The following VPS45 variants were observed in gnomAD, a reference collection of about 807,000 sequenced individuals.
The protein encoded by VPS45 is vacuolar protein sorting 45 homolog.
In VPS45, 35 loss-of-function variants were observed where a neutral mutation model predicts 75.9. The ratio of observed to expected loss-of-function variants is 0.46; its 90% CI spans 0.35 to 0.61. The LOEUF (loss-of-function observed/expected upper bound fraction) is 0.61. Ranked by LOEUF, VPS45 falls within the 20% of genes least tolerant of loss-of-function variation. The probability of loss-of-function intolerance (pLI) is 0.00; values close to 1 mark genes in which losing one functional copy is unlikely to be tolerated. For synonymous variants in VPS45, 220 were observed against 238.2 expected, an observed-to-expected ratio of 0.92 and a Z score of 0.70; for missense variants, 559 against 685.9, an observed-to-expected ratio of 0.81 and a Z score of 2.07.
rs192149979 is a variant in VPS45, at chr1:150,112,151, C to T, written c.1625+1524C>T. ...TGCCCATTCCACAATTGAAGTATTC[C>T]TTTTTTTCTTAATAATTTTTTTAAT... On this transcript the variant is annotated intron_variant, in intron 14 of 14. Coordinates refer to ENST00000644510, the MANE Select transcript of VPS45 (RefSeq NM_007259.5). Among the ~76,000 whole-genome samples the T allele has an allele frequency of 4.3e-3, 650 of 151,926 alleles. 4 individuals carry two copies. Among genetic ancestry groups the T allele is most frequent in the African/African-American group, 0.015 (613 of 41,502 alleles).
In VPS45 at chr1:150,082,008, C is replaced by T. The variant is rs370189492; in HGVS notation, c.936+11C>T. Reference sequence around the variant, plus strand: ...ATAGCAGACATGAAGGTAAATTGAACATGTACATGAATGACAAACATGTGA... The same window carrying T: ...ATAGCAGACATGAAGGTAAATTGAATATGTACATGAATGACAAACATGTGA... On this transcript the variant is annotated intron_variant, in intron 9 of 14. Coordinates refer to ENST00000644510, the MANE Select transcript of VPS45 (RefSeq NM_007259.5). 163 of 1,531,326 alleles carry T rather than the reference C, an allele frequency of 1.1e-4. No individual in the cohort carries two copies. Among genetic ancestry groups the T allele is most frequent in the Non-Finnish European group, 1.4e-4 (157 of 1,108,236 alleles). 94.9% of individuals were successfully genotyped at this position (1,531,326 alleles called of 1,614,324 possible).
intron 14 of VPS45, among the ~76,000 whole-genome samples, chr1:150,131,988 A>G (rs1476918963): frequency 6.6e-6 from 1 of 152,168 alleles, no homozygotes; most frequent in Non-Finnish European, 1.5e-5. Context: ...ATAAATGAGA[A>G]AGAAATGGAG....
chr1:150,103,695 C>T (rs2101593883), intron 13 of VPS45, among the ~76,000 whole-genome samples: 1 of 152,308 alleles, frequency 6.6e-6, no homozygotes, highest in East Asian at 1.9e-4. Flanking sequence ...CAGTTCTTGC[C>T]TTTCTTTTCC....
chr1:150,119,110 A>G (rs1214151766), intron 14 of VPS45, among the ~76,000 whole-genome samples: 1 of 152,240 alleles, frequency 6.6e-6, no homozygotes, highest in Admixed American at 6.5e-5. Flanking sequence ...TTCAGAGGCC[A>G]GTTATTGTGA....
At position 150,076,910 on chromosome 1, in the gene VPS45, T is replaced by A; in HGVS notation, c.370-6T>A. The A allele has an allele frequency of 6.2e-7, 1 of 1,613,996 alleles. No individual in the cohort carries two copies. ...GGAATGACTATTCTTGGTGCTTTAT[T>A]TGCAGGAATTTTATGGTGATTACAT... On this transcript the variant is annotated splice_region_variant and splice_polypyrimidine_tract_variant and intron_variant, in intron 4 of 14. Coordinates refer to ENST00000644510, the MANE Select transcript of VPS45 (RefSeq NM_007259.5).
At chr1:150,100,648 G>A (rs1215840265) in intron 13 of VPS45, among the ~76,000 whole-genome samples, 1 of 152,116 alleles carries the variant, frequency 6.6e-6, no homozygotes, top group African/African-American at 2.4e-5. Flanking sequence ...TAGACCAATG[G>A]AACAGAATAG....
intron 9 of VPS45, among the ~76,000 whole-genome samples, chr1:150,082,390 C>T (rs1346803234): frequency 2.6e-5 from 4 of 152,146 alleles, no homozygotes; most frequent in African/African-American, 7.2e-5. Flanking sequence ...CCTGTAATCC[C>T]AGCTACTCGG....
At chr1:150,093,930 C>T (rs1248470847) in intron 13 of VPS45, among the ~76,000 whole-genome samples, 2 of 152,254 alleles carry the variant, frequency 1.3e-5, no homozygotes, top group South Asian at 2.1e-4. Context: ...AGGTTCTGTT[C>T]GATGGCATCT....
At chr1:150,074,762 C>A (rs1553797696) in intron 3 of VPS45, among the ~76,000 whole-genome samples, 1 of 152,076 alleles carries the variant, frequency 6.6e-6, no homozygotes, top group African/African-American at 2.4e-5. Context: ...AATTATTGAG[C>A]CTCACCCAAT....
intron 6 of VPS45, chr1:150,077,449 T>G: frequency 4.1e-6 from 3 of 740,322 alleles, no homozygotes; most frequent in Admixed American, 3.1e-5. Flanking sequence ...CTATTTAACT[T>G]TTTTTGGTCC....
At chr1:150,134,232 G>C (rs1553813059) in intron 14 of VPS45, among the ~76,000 whole-genome samples, 1 of 152,000 alleles carries the variant, frequency 6.6e-6, no homozygotes, top group Non-Finnish European at 1.5e-5. Flanking sequence ...TTTTTAAAAG[G>C]GTTCTATAGC....
chr1:150,110,346 G>T, intron 13 of VPS45, 150 bp from the exon 14 acceptor site: 1 of 725,320 alleles, frequency 1.4e-6, no homozygotes, highest in Non-Finnish European at 2.1e-6. Flanking sequence ...TCAGATAATT[G>T]AAACTTTTTT....
In VPS45 at chr1:150,124,552, C is replaced by T. The variant is rs374089452; in HGVS notation, c.1625+13925C>T. On this transcript the variant is annotated intron_variant, in intron 14 of 14. Transcript: ENST00000644510. ...AATATGTTGGCTTTTTTTCTTTTTT[C>T]TTTTTTTTTTTTTGAGACAGAGTCT... Among the ~76,000 whole-genome samples, 8 of 140,220 alleles carry T rather than the reference C, an allele frequency of 5.7e-5. 3 individuals are homozygous for T. Among genetic ancestry groups the T allele is most frequent in the Non-Finnish European group, 1.2e-4 (8 of 65,558 alleles). The allele number at this position is 140,220 out of a possible 152,430, so 92.0% of individuals were successfully genotyped here. A position where few individuals can be genotyped will look rare whatever the true frequency, so the allele number is the denominator to read the frequency against.
chr1:150,070,506 C>T (rs1654994110), intron 2 of VPS45, among the ~76,000 whole-genome samples: 1 of 151,922 alleles, frequency 6.6e-6, no homozygotes, highest in African/African-American at 2.4e-5. Context: ...AGAATCTTTC[C>T]TTTTGGCCGG....
rs782155525 is a variant in VPS45, at chr1:150,093,572, AC to A, written c.1420del (p.Leu474TrpfsTer17). 4 of 1,613,908 alleles carry A rather than the reference AC, an allele frequency of 2.5e-6. No homozygotes were observed. The highest frequency in any genetic ancestry group is 2.5e-6 in the Non-Finnish European group (3 of 1,179,942). ...YTQHQPFLHETLDHLIKGRLK... is the reference protein window; with the variant it reads ...YTQHQPFLHEXLDHLIKGRLK... ...ACAGCATCAACCTTTCCTACATGAA[AC>A]CCTGGATCATCTCATCAAAGGAAGG... On this transcript the variant is annotated frameshift_variant, in exon 13 of 15. Coordinates refer to ENST00000644510, the MANE Select transcript of VPS45 (RefSeq NM_007259.5). LOFTEE classifies it high-confidence loss of function.
Position 150,082,751 on chromosome 1 carries a change from G to A in VPS45, c.972G>A (p.Met324Ile). Residue 324 changes from methionine to isoleucine, a missense_variant, in exon 10 of 15, where the codon ATG becomes ATA. By Grantham distance (10) the Met-to-Ile change is conservative. Transcript: ENST00000644510. ...FVENYPQFKK[M>I]SGTVSKHVTV... ...AGAATTATCCACAGTTCAAGAAAATGTCTGGGACTGTTTCAAAGCATGTGA... is the reference window on the plus strand; with the variant it reads ...AGAATTATCCACAGTTCAAGAAAATATCTGGGACTGTTTCAAAGCATGTGA... The A allele has an allele frequency of 6.2e-7, 1 of 1,614,036 alleles. No homozygotes were observed. The highest frequency in any genetic ancestry group is 8.5e-7 in the Non-Finnish European group (1 of 1,179,962).
intron 10 of VPS45, among the ~76,000 whole-genome samples, chr1:150,090,303 T>C (rs587645277): frequency 2.0e-5 from 3 of 152,182 alleles, no homozygotes; most frequent in African/African-American, 7.2e-5. Flanking sequence ...CTCTGTGAAG[T>C]CTTTCCTAAT....
At chr1:150,097,383 G>C (rs1241184853) in intron 13 of VPS45, among the ~76,000 whole-genome samples, 1 of 151,820 alleles carries the variant, frequency 6.6e-6, no homozygotes, top group African/African-American at 2.4e-5. Flanking sequence ...GGGATTGCAG[G>C]CATGAGCCAC....
chr1:150,097,739 A>T (rs781895373), intron 13 of VPS45, among the ~76,000 whole-genome samples: 1 of 151,990 alleles, frequency 6.6e-6, no homozygotes, highest in African/African-American at 2.4e-5. Flanking sequence ...AAAACAAAAC[A>T]AAAAAAGTGT....
Sources: allele counts gnomAD v4.1 joint callset (sites outside exome capture counted in the v4.1 genomes callset), GRCh38; gene constraint gnomAD v4.1.1; transcripts MANE v1.5; gene names NCBI Gene and HGNC (gene_info 2026-07-23, HGNC 2026-07-21).